OSBPL6: variants seen among roughly 807,000 people sequenced by gnomAD.
The protein encoded by OSBPL6 is oxysterol-binding protein-related protein 6.
OSBPL6 carries 49 observed loss-of-function variants against 125.8 expected under a neutral mutation model. The observed-to-expected ratio is 0.39, with a 90% CI of 0.31 to 0.49. OSBPL6 has a LOEUF of 0.49. Ranked by LOEUF, OSBPL6 falls within the 20% of genes least tolerant of loss-of-function variation. The pLI, the probability that OSBPL6 is intolerant of heterozygous loss-of-function variation, is 0.88. For synonymous variants in OSBPL6, 394 were observed against 391.8 expected (o/e 1.01, Z -0.07); for missense variants, 986 against 1,135.4 (o/e 0.87, Z 1.89).
intron 1 of OSBPL6, among the ~76,000 whole-genome samples, chr2:178,277,519 C>T (rs2092494320): frequency 6.6e-6 from 1 of 151,934 alleles, no homozygotes; most frequent in Non-Finnish European, 1.5e-5. Context: ...TATATGCAAA[C>T]AAAAAAATCT....
At chr2:178,347,337 C>T (rs1690817402) in intron 11 of OSBPL6, among the ~76,000 whole-genome samples, 2 of 152,078 alleles carry the variant, frequency 1.3e-5, no homozygotes, top group South Asian at 2.1e-4. Context: ...ACCAAAGACC[C>T]GCATTTATTT....
intron 3 of OSBPL6, among the ~76,000 whole-genome samples, chr2:178,323,102 AC>A (rs1292235438): frequency 6.6e-6 from 1 of 152,144 alleles, no homozygotes; most frequent in Non-Finnish European, 1.5e-5. Flanking sequence ...TAAGGCATGT[AC>A]TTTTTTTCCC....
At chr2:178,328,210 T>C (rs757125676) in intron 4 of OSBPL6, 46 bp from the exon 5 acceptor site, 2 of 1,610,264 alleles carry the variant, frequency 1.2e-6, no homozygotes, top group Non-Finnish European at 1.7e-6. Context: ...AAGTGTGTCA[T>C]CAGGCACTGA....
At chr2:178,327,288 G>A (rs1179171390) in intron 4 of OSBPL6, among the ~76,000 whole-genome samples, 2 of 152,158 alleles carry the variant, frequency 1.3e-5, no homozygotes, top group East Asian at 3.9e-4. Context: ...AAGTCACACA[G>A]AATATTCTTC....
chr2:178,263,205 G>A (rs1229488696), intron 1 of OSBPL6, among the ~76,000 whole-genome samples: 2 of 152,196 alleles, frequency 1.3e-5, no homozygotes, highest in East Asian at 1.9e-4. Context: ...AAGGCCAGGC[G>A]CAGTGGCTCA....
intron 22 of OSBPL6, 132 bp downstream of exon 22, chr2:178,391,349 G>A (rs2154118917): frequency 1.1e-6 from 1 of 882,746 alleles, no homozygotes; most frequent in Non-Finnish European, 1.6e-6. Flanking sequence ...AGATGCTTAT[G>A]GCAATTATAG....
chr2:178,305,859 T>C (rs1686715568), intron 2 of OSBPL6, among the ~76,000 whole-genome samples, 171 bp from the exon 3 acceptor site: 1 of 152,052 alleles, frequency 6.6e-6, no homozygotes, highest in African/African-American at 2.4e-5. Context: ...TTTTTTTTTT[T>C]TTTTACACAC....
At chr2:178,221,200 G>GT (rs1485482450) in intron 1 of OSBPL6, among the ~76,000 whole-genome samples, 2 of 152,176 alleles carry the variant, frequency 1.3e-5, no homozygotes, top group African/African-American at 4.8e-5. Context: ...ATTGTGTGCA[G>GT]TTTAGAGATG....
rs1695901034 is a variant in OSBPL6, at chr2:178,397,215, TTTTA to T, written c.*1662_*1665del. The T allele has an allele frequency of 6.6e-6, 1 of 152,200 alleles. No individual in the cohort carries two copies. The highest frequency in any genetic ancestry group is 6.5e-5 in the Admixed American group (1 of 15,284). The allele number at this position is 152,200 out of a possible 1,614,324, so 9.4% of individuals were successfully genotyped here. ...AACGTTTCCACTAGATGGCGCAATA[TTTTA>T]TTTATCCAAAACTCCTCCCTTGCAT... is the stretch of plus-strand genomic sequence containing the variant. On this transcript the variant is annotated 3_prime_UTR_variant, in exon 25 of 25. Transcript: ENST00000190611.
chr2:178,285,273 A>G (rs1684586626), intron 2 of OSBPL6, among the ~76,000 whole-genome samples, 152 bp downstream of exon 2: 1 of 152,232 alleles, frequency 6.6e-6, no homozygotes, highest in Non-Finnish European at 1.5e-5. Context: ...ATAATATGTC[A>G]TAATCCTTAT....
intron 12 of OSBPL6, among the ~76,000 whole-genome samples, chr2:178,354,868 G>T (rs1691622922): frequency 6.6e-6 from 1 of 152,036 alleles, no homozygotes; most frequent in African/African-American, 2.4e-5. Context: ...GTAAAAAACA[G>T]AAATCACAGC....
chr2:178,267,000 G>A (rs1170291377), intron 1 of OSBPL6, among the ~76,000 whole-genome samples: 1 of 152,158 alleles, frequency 6.6e-6, no homozygotes, highest in African/African-American at 2.4e-5. Context: ...GAGCAGCATG[G>A]GGAGGAGAGC....
In OSBPL6 at chr2:178,332,713, A is replaced by G. The variant is rs1689318228; in HGVS notation, c.445A>G (p.Arg149Gly). 7 of 1,614,096 alleles carry G rather than the reference A, an allele frequency of 4.3e-6. No individual in the cohort carries two copies. The highest frequency in any genetic ancestry group is 5.1e-6 in the Non-Finnish European group (6 of 1,180,032). ...SVMSIKKKAR[R>G]IDLDTEEHIY... The stretch of plus-strand genomic sequence containing the variant: ...CATGTCAATTAAAAAGAAAGCTCGA[A>G]GAATAGACCTTGACACCGAAGAGCA... Residue 149 changes from arginine to glycine, a missense_variant, in exon 7 of 25, where the codon AGA becomes GGA. Transcript: ENST00000190611.
Position 178,242,248 on chromosome 2 carries a change from T to G in OSBPL6, c.-350-42679T>G, listed in dbSNP as rs138175474. ...ACAGCTGAACTCTGCCTTTTATTTT[T>G]CCCCCTTAACCAATATTATTTGACT... On this transcript the variant is annotated intron_variant, in intron 1 of 24. Transcript: ENST00000190611. Among the ~76,000 whole-genome samples, 790 of 152,294 alleles carry G rather than the reference T, an allele frequency of 5.2e-3. 4 individuals carry two copies. Among genetic ancestry groups the G allele is most frequent in the Middle Eastern group, 0.044 (13 of 294 alleles).
rs561916080 is a variant in OSBPL6, at chr2:178,199,857, ATACTT to A, written c.-351+5186_-351+5190del. Among the ~76,000 whole-genome samples, 382 of 152,348 alleles carry A rather than the reference ATACTT, an allele frequency of 2.5e-3. 3 individuals are homozygous for A. The highest frequency in any genetic ancestry group is 3.9e-3 in the Non-Finnish European group (262 of 68,030). ...AATCTTTCGGAACACTGGGAAAAAA[ATACTT>A]TAAGCTTTTTCCCTTTAAACTTTGA... On this transcript the variant is annotated intron_variant, in intron 1 of 24. Transcript: ENST00000190611.
chr2:178,269,326 T>G (rs1407328302), intron 1 of OSBPL6, among the ~76,000 whole-genome samples: 1 of 152,212 alleles, frequency 6.6e-6, no homozygotes, highest in Non-Finnish European at 1.5e-5. Flanking sequence ...TGGGTTAGTT[T>G]AAGTTTGGGA....
intron 18 of OSBPL6, among the ~76,000 whole-genome samples, chr2:178,384,930 C>G (rs1225886352): frequency 6.6e-6 from 1 of 151,686 alleles, no homozygotes; most frequent in Non-Finnish European, 1.5e-5. Flanking sequence ...AAATGGGAGG[C>G]AGGTGGTCCT....
chr2:178,240,759 TAA>T (rs1279242395), intron 1 of OSBPL6, among the ~76,000 whole-genome samples: 1 of 152,048 alleles, frequency 6.6e-6, no homozygotes, highest in Non-Finnish European at 1.5e-5. Flanking sequence ...TCTCAAAAAA[TAA>T]AAAGTGTTTA....
chr2:178,221,656 C>G (rs896015643), intron 1 of OSBPL6, among the ~76,000 whole-genome samples: 1 of 152,196 alleles, frequency 6.6e-6, no homozygotes, highest in African/African-American at 2.4e-5. Flanking sequence ...CAAGTACAGT[C>G]TATTCTTACA....
Sources: gnomAD v4.1 joint callset for allele counts (sites outside exome capture counted in the v4.1 genomes callset) on GRCh38, gnomAD v4.1.1 for gene constraint, MANE v1.5 for transcripts, NCBI Gene and HGNC (gene_info 2026-07-23, HGNC 2026-07-21) for gene names.